The following LDB3 variants were observed in gnomAD, a reference collection of about 807,000 sequenced individuals.
LDB3 encodes the protein LIM domain-binding protein 3.
Under a neutral mutation model 69.0 loss-of-function variants are expected in LDB3, and 49 were observed. That is an observed-to-expected ratio of 0.71 (90% CI 0.56 to 0.90). The LOEUF (loss-of-function observed/expected upper bound fraction) is 0.90. Ranked by LOEUF, LDB3 falls within the 40% of genes least tolerant of loss-of-function variation. LDB3 has a pLI of 0.00. For missense variants in LDB3, 928 were observed against 974.1 expected (o/e 0.95, Z 0.63); for synonymous variants, 387 against 396.2 (o/e 0.98, Z 0.28).
intron 13 of LDB3, chr10:86,732,342 T>A (rs966576457): frequency 2.8e-6 from 1 of 362,172 alleles, no homozygotes; most frequent in African/African-American, 2.1e-5. Flanking sequence ...TTTTCTCTAT[T>A]CCATTAAATT....
chr10:86,670,440 G>A (rs1463403609), intron 2 of LDB3, among the ~76,000 whole-genome samples: 1 of 152,084 alleles, frequency 6.6e-6, no homozygotes, highest in African/African-American at 2.4e-5. Flanking sequence ...CCCTGCCTGG[G>A]ACTGAGCCCA....
At position 86,670,823 on chromosome 10, in the gene LDB3, G is replaced by A. The variant is rs570783164; in HGVS notation, c.93+2039G>A. On this transcript the variant is annotated intron_variant, in intron 2 of 13. Transcript: ENST00000361373. ...CCTAAGCCGCGGAGCAGGCTGGACT[G>A]GGTACTGGAGCCTTCCCCAGGGCTC... 1.2e-4 allele frequency among the ~76,000 whole-genome samples: 18 copies of A among 152,366 alleles called. No individual in the cohort carries two copies. The East Asian group carries it at 3.3e-3, about 28-fold the overall frequency.
chr10:86,693,880 A>G (rs369936747), intron 7 of LDB3, among the ~76,000 whole-genome samples: 4 of 152,322 alleles, frequency 2.6e-5, no homozygotes, highest in African/African-American at 7.2e-5. Context: ...GTTCCCAAAC[A>G]TTTGATAAAA....
chr10:86,690,421 G>A (rs988247540), intron 5 of LDB3, among the ~76,000 whole-genome samples: 17 of 152,200 alleles, frequency 1.1e-4, no homozygotes, highest in South Asian at 4.1e-4. Context: ...CTCCCTGGCC[G>A]GACCCTAGAA....
chr10:86,710,249 G>C, intron 9 of LDB3, 199 bp downstream of exon 9: 4 of 985,416 alleles, frequency 4.1e-6, no homozygotes, highest in Non-Finnish European at 4.8e-6. Context: ...AGACAGGTGA[G>C]CAAGAAAGCG....
At chr10:86,691,828 A>G in intron 5 of LDB3, 68 bp from the exon 6 acceptor site, 1 of 1,567,738 alleles carries the variant, frequency 6.4e-7, no homozygotes, top group Admixed American at 1.7e-5. Context: ...GGCATGGAGC[A>G]GGGACCCAGC....
At chr10:86,705,860 T>C (rs956339078) in intron 7 of LDB3, among the ~76,000 whole-genome samples, 1 of 152,214 alleles carries the variant, frequency 6.6e-6, no homozygotes, top group African/African-American at 2.4e-5. Flanking sequence ...ACCATGGGCA[T>C]GGGGAACCCT....
chr10:86,705,376 G>T (rs963511319), intron 7 of LDB3, among the ~76,000 whole-genome samples: 4 of 152,254 alleles, frequency 2.6e-5, no homozygotes, highest in Non-Finnish European at 5.9e-5. Flanking sequence ...GCATAGTGTA[G>T]GGGGAGTCAT....
intron 7 of LDB3, chr10:86,700,031 A>G: frequency 1.0e-6 from 1 of 986,572 alleles, no homozygotes; most frequent in Non-Finnish European, 1.2e-6. Context: ...TGAAATAAAG[A>G]AGATTTGAAG....
intron 2 of LDB3, among the ~76,000 whole-genome samples, chr10:86,676,162 G>GGCTT (rs1292676894): frequency 6.6e-6 from 1 of 152,248 alleles, no homozygotes; most frequent in Non-Finnish European, 1.5e-5. Flanking sequence ...CAGATGCTGT[G>GGCTT]GCTTCCTGGC....
Position 86,733,419 on chromosome 10 carries a change from T to C in LDB3, c.*443T>C, listed in dbSNP as rs1485469908. ...CCAAACAGCACTCGCTGCAGGGTAT[T>C]TTTAGAGTCATAGCTGAGAGCTTGT... On this transcript the variant is annotated 3_prime_UTR_variant, in exon 14 of 14. Transcript: ENST00000361373. 4.4e-6 allele frequency: 1 copy of C among 226,704 alleles called. No individual in the cohort carries two copies. Among genetic ancestry groups the C allele is most frequent in the Non-Finnish European group, 8.8e-6 (1 of 114,138 alleles). 14.0% of individuals were successfully genotyped at this position (226,704 alleles called of 1,614,324 possible).
intron 4 of LDB3, among the ~76,000 whole-genome samples, chr10:86,680,642 A>G (rs1845063056): frequency 6.6e-6 from 1 of 152,060 alleles, no homozygotes; most frequent in South Asian, 2.1e-4. Flanking sequence ...TGCCCCTCCC[A>G]AGTGCATTCC....
intron 8 of LDB3, among the ~76,000 whole-genome samples, chr10:86,708,510 T>A (rs558431497): frequency 6.6e-6 from 1 of 152,090 alleles, no homozygotes; most frequent in Admixed American, 6.5e-5. Flanking sequence ...CCTCCAATGA[T>A]GGAGTCCAGC....
intron 7 of LDB3, among the ~76,000 whole-genome samples, chr10:86,706,324 T>C (rs1202020951): frequency 1.3e-5 from 2 of 152,200 alleles, no homozygotes; most frequent in Non-Finnish European, 2.9e-5. Flanking sequence ...AACCCTCCTG[T>C]GGTCTGAGCC....
intron 8 of LDB3, among the ~76,000 whole-genome samples, chr10:86,708,510 T>C (rs558431497): frequency 5.3e-5 from 8 of 152,208 alleles, no homozygotes; most frequent in African/African-American, 1.9e-4. Context: ...CCTCCAATGA[T>C]GGAGTCCAGC....
At chr10:86,697,215 CTTTTTTTTTTTTT>C in intron 7 of LDB3, among the ~76,000 whole-genome samples, 1 of 77,804 alleles carries the variant, frequency 1.3e-5, no homozygotes, top group South Asian at 5.9e-4. Flanking sequence ...TAGCAATTCA[CTTTTTTTTTTTTT>C]TTTTTTTTTT....
At chr10:86,688,717 T>C (rs1845619075) in intron 5 of LDB3, among the ~76,000 whole-genome samples, 1 of 152,192 alleles carries the variant, frequency 6.6e-6, no homozygotes, top group Non-Finnish European at 1.5e-5. Flanking sequence ...CATTTCTTTG[T>C]CACGTGTGTC....
intron 2 of LDB3, among the ~76,000 whole-genome samples, chr10:86,678,060 CAG>C (rs1844898315): frequency 6.6e-6 from 1 of 151,524 alleles, no homozygotes; most frequent in South Asian, 2.1e-4. Flanking sequence ...TGTTTTTAGA[CAG>C]AGTCTCGCTC....
chr10:86,703,853 C>T (rs1186841444), intron 7 of LDB3, among the ~76,000 whole-genome samples: 1 of 152,188 alleles, frequency 6.6e-6, no homozygotes, highest in Non-Finnish European at 1.5e-5. Context: ...GTGGCTCACG[C>T]CTGTAATCCC....
Sources: gnomAD v4.1 joint callset for allele counts (sites outside exome capture counted in the v4.1 genomes callset) on GRCh38, gnomAD v4.1.1 for gene constraint, MANE v1.5 for transcripts, NCBI Gene and HGNC (gene_info 2026-07-23, HGNC 2026-07-21) for gene names.